The following LCLAT1 variants were observed in gnomAD, a reference collection of about 807,000 sequenced individuals.
LCLAT1 encodes lysocardiolipin acyltransferase 1.
Under a neutral mutation model 30.7 loss-of-function variants are expected in LCLAT1, and 11 were observed. The ratio of observed to expected loss-of-function variants is 0.36; its 90% CI spans 0.23 to 0.59. The LOEUF is 0.59. Ranked by LOEUF, LCLAT1 falls within the 20% of genes least tolerant of loss-of-function variation. The pLI is 0.77. For synonymous variants in LCLAT1, 155 were observed against 151.3 expected, an observed-to-expected ratio of 1.02 and a Z score of -0.18; for missense variants, 402 against 458.6, an observed-to-expected ratio of 0.88 and a Z score of 1.13.
chr2:30,501,046 C>G (rs538325864), intron 1 of LCLAT1, among the ~76,000 whole-genome samples: 17 of 151,406 alleles, frequency 1.1e-4, no homozygotes, highest in Non-Finnish European at 2.5e-4. Context: ...CCTTACCACT[C>G]CCTAATTCCG....
chr2:30,628,461 G>C (rs1004565678), intron 5 of LCLAT1, among the ~76,000 whole-genome samples: 9 of 152,216 alleles, frequency 5.9e-5, no homozygotes, highest in Non-Finnish European at 1.0e-4. Flanking sequence ...TTGCAAAACA[G>C]TTGTTCCAGG....
At chr2:30,463,967 T>C (rs1026630735) in intron 1 of LCLAT1, among the ~76,000 whole-genome samples, 15 of 152,242 alleles carry the variant, frequency 9.9e-5, no homozygotes, top group Admixed American at 2.0e-4. Context: ...TGAGTACTTT[T>C]GTAGGATAGA....
chr2:30,598,972 T>C (rs2148488050), intron 5 of LCLAT1, among the ~76,000 whole-genome samples: 1 of 146,646 alleles, frequency 6.8e-6, no homozygotes, highest in Non-Finnish European at 1.5e-5. Context: ...GTGAGTTTCT[T>C]TTTTTTTTTC....
chr2:30,448,583 T>G (rs568411048), intron 1 of LCLAT1, among the ~76,000 whole-genome samples: 27 of 152,338 alleles, frequency 1.8e-4, no homozygotes, highest in African/African-American at 6.5e-4. Context: ...GAGTGCCAAC[T>G]ATGTGTCAGT....
rs1246692704 is a variant in LCLAT1 at position 30,451,080 on chromosome 2, G to C, written c.-5+3697G>C. Among the ~76,000 whole-genome samples the C allele has an allele frequency of 4.6e-5, 7 of 152,218 alleles. No homozygotes were observed. In the East Asian group the frequency reaches 1.3e-3, roughly 29 times the overall value. ...TGTCTTGAACAGGCACTGTCTATTAGAGGGTCTCAGAATGGCCAGTATGCA... is the reference window on the plus strand; with the variant it reads ...TGTCTTGAACAGGCACTGTCTATTACAGGGTCTCAGAATGGCCAGTATGCA... On this transcript the variant is annotated intron_variant, in intron 1 of 5. Transcript: ENST00000379509.
At chr2:30,491,853 T>A (rs1683848000) in intron 1 of LCLAT1, among the ~76,000 whole-genome samples, 1 of 152,152 alleles carries the variant, frequency 6.6e-6, no homozygotes, top group Non-Finnish European at 1.5e-5. Flanking sequence ...TAATAACCAA[T>A]AAACTGATTA....
intron 1 of LCLAT1, among the ~76,000 whole-genome samples, chr2:30,523,419 C>T (rs1488172161): frequency 6.6e-6 from 1 of 152,174 alleles, no homozygotes; most frequent in Non-Finnish European, 1.5e-5. Context: ...CAGCATGCTG[C>T]TTTCCAGTGG....
chr2:30,550,670 A>G lies in LCLAT1; in HGVS notation c.365-11476A>G, dbSNP rs572271815. Reference sequence around the variant, plus strand: ...ATCTTAATCACTTAGTTAAGGTGGTATCTGTCAGGTTTCTTTACTGCAAAG... The same window carrying G: ...ATCTTAATCACTTAGTTAAGGTGGTGTCTGTCAGGTTTCTTTACTGCAAAG... On this transcript the variant is annotated intron_variant, in intron 3 of 5. Transcript: ENST00000379509. Among the ~76,000 whole-genome samples the G allele has an allele frequency of 2.0e-5, 3 of 152,278 alleles. No homozygotes were observed. The South Asian group carries it at 6.2e-4, about 32-fold the overall frequency.
At chr2:30,456,070 C>A (rs1181729888) in intron 1 of LCLAT1, among the ~76,000 whole-genome samples, 1 of 152,054 alleles carries the variant, frequency 6.6e-6, no homozygotes. Flanking sequence ...TATTCAATTT[C>A]TTTAACAGTT....
intron 1 of LCLAT1, among the ~76,000 whole-genome samples, chr2:30,491,631 G>A (rs1237251203): frequency 1.3e-5 from 2 of 152,180 alleles, no homozygotes; most frequent in African/African-American, 4.8e-5. Flanking sequence ...AAAGCAGGTG[G>A]CCTTAGTACC....
intron 1 of LCLAT1, among the ~76,000 whole-genome samples, chr2:30,449,593 CG>C (rs1681446567): frequency 6.6e-6 from 1 of 151,956 alleles, no homozygotes; most frequent in African/African-American, 2.4e-5. Flanking sequence ...CTCTGCCTCC[CG>C]GGTTCAAGCG....
chr2:30,532,971 C>T (rs528255115), intron 2 of LCLAT1, 145 bp from the exon 3 acceptor site: 1 of 631,134 alleles, frequency 1.6e-6, no homozygotes, highest in South Asian at 2.0e-5. Flanking sequence ...CCTCACCACT[C>T]AATTTTTTAT....
intron 5 of LCLAT1, among the ~76,000 whole-genome samples, chr2:30,637,922 C>T (rs1208893113): frequency 6.6e-6 from 1 of 152,170 alleles, no homozygotes; most frequent in Non-Finnish European, 1.5e-5. Flanking sequence ...CCTAGTCTCT[C>T]TTCAAATACA....
intron 1 of LCLAT1, among the ~76,000 whole-genome samples, chr2:30,470,647 C>T (rs1682732537): frequency 6.6e-6 from 1 of 152,178 alleles, no homozygotes; most frequent in Non-Finnish European, 1.5e-5. Context: ...GTTTCAGTAC[C>T]ACATTGTTTT....
chr2:30,595,939 G>C (rs571365285), intron 5 of LCLAT1, among the ~76,000 whole-genome samples: 3 of 152,120 alleles, frequency 2.0e-5, no homozygotes, highest in African/African-American at 7.2e-5. Context: ...ATGGCTTCCA[G>C]CTGTATCCAT....
At chr2:30,503,143 T>C (rs1409077719) in intron 1 of LCLAT1, among the ~76,000 whole-genome samples, 1 of 152,244 alleles carries the variant, frequency 6.6e-6, no homozygotes, top group African/African-American at 2.4e-5. Context: ...GTCATTGCCA[T>C]GGCATTTATA....
At position 30,640,293 on chromosome 2, in the gene LCLAT1, C is replaced by T. The variant is rs1558574992; in HGVS notation, c.805C>T (p.Arg269Trp). 6 of 1,614,016 alleles carry T rather than the reference C, an allele frequency of 3.7e-6. No individual in the cohort carries two copies. Among genetic ancestry groups the T allele is most frequent in the African/African-American group, 1.3e-5 (1 of 74,894 alleles). Residue 269 changes from arginine to tryptophan, a missense_variant, in exon 6 of 6, where the codon CGG becomes TGG. Coordinates refer to ENST00000379509, the MANE Select transcript of LCLAT1 (RefSeq NM_001002257.3). ...GGACCTTCAACTCTGGTGCCACAAA[C>T]GGTGGGAAGAGAAAGAAGAGAGGCT... is the stretch of plus-strand genomic sequence containing the variant. ...KEDLQLWCHKRWEEKEERLRS... is the reference protein window; with the variant it reads ...KEDLQLWCHKWWEEKEERLRS...
chr2:30,488,133 T>C (rs1683648630), intron 1 of LCLAT1, among the ~76,000 whole-genome samples: 1 of 152,244 alleles, frequency 6.6e-6, no homozygotes, highest in African/African-American at 2.4e-5. Context: ...CTGTTTTCCT[T>C]ACTGCTCTTT....
intron 1 of LCLAT1, among the ~76,000 whole-genome samples, chr2:30,458,760 C>T (rs894847649): frequency 6.6e-6 from 1 of 152,128 alleles, no homozygotes; most frequent in African/African-American, 2.4e-5. Context: ...AAACCTTGGT[C>T]TACTGTGAAT....
Sources: gnomAD v4.1 joint callset for allele counts (sites outside exome capture counted in the v4.1 genomes callset) on GRCh38, gnomAD v4.1.1 for gene constraint, MANE v1.5 for transcripts, NCBI Gene and HGNC (gene_info 2026-07-23, HGNC 2026-07-21) for gene names.